Variants in OXR1 observed in about 807,000 individuals in gnomAD.
OXR1 encodes the protein oxidation resistance protein 1.
A neutral mutation model predicts 104.6 loss-of-function variants in OXR1; 41 were observed. The ratio of observed to expected loss-of-function variants is 0.39; its 90% CI spans 0.31 to 0.51. OXR1 has a LOEUF of 0.51. Among genes scored for constraint, OXR1 ranks in the 20% least tolerant of loss-of-function variants. The pLI is 0.77. For missense variants in OXR1, 955 were observed against 1,031.9 expected (o/e 0.93, Z 1.02); for synonymous variants, 348 against 348.4 (o/e 1.00, Z 0.01).
At chr8:106,371,591 GTC>G (rs1179053315) in intron 2 of OXR1, among the ~76,000 whole-genome samples, 1 of 152,136 alleles carries the variant, frequency 6.6e-6, no homozygotes, top group Non-Finnish European at 1.5e-5. Flanking sequence ...CTGCTACGTT[GTC>G]TCTTTGTTCT....
intron 2 of OXR1, among the ~76,000 whole-genome samples, chr8:106,371,365 T>G (rs1816700660): frequency 6.6e-6 from 1 of 152,128 alleles, no homozygotes; most frequent in African/African-American, 2.4e-5. Context: ...ATTCATTGAT[T>G]TTTTTGGAGG....
chr8:106,726,303 C>T, intron 11 of OXR1: 1 of 1,486,054 alleles, frequency 6.7e-7, no homozygotes, highest in Admixed American at 2.0e-5. Context: ...ATCATAAATA[C>T]ACTCTGGTAA....
intron 2 of OXR1, among the ~76,000 whole-genome samples, chr8:106,393,083 T>G (rs540859353): frequency 6.6e-6 from 1 of 152,312 alleles, no homozygotes; most frequent in South Asian, 2.1e-4. Flanking sequence ...CAGCTCCATA[T>G]GGTTTCTGTT....
Position 106,310,230 on chromosome 8 carries a change from CT to C in OXR1, c.-139+39877del, listed in dbSNP as rs10573304. Among the ~76,000 whole-genome samples the C allele has an allele frequency of 3.8e-3, 545 of 142,364 alleles. 3 individuals carry two copies. Among genetic ancestry groups the C allele is most frequent in the African/African-American group, 0.011 (428 of 39,538 alleles). 93.4% of individuals were successfully genotyped at this position (142,364 alleles called of 152,430 possible). A position where few individuals can be genotyped will look rare whatever the true frequency, so the allele number is the denominator to read the frequency against. ...TAATAATTGGTACAGTTCCTGTGACCTTTTTTTTTTTTTTGTGAACTCTTTC... is the reference window on the plus strand; with the variant it reads ...TAATAATTGGTACAGTTCCTGTGACCTTTTTTTTTTTTTGTGAACTCTTTC... On this transcript the variant is annotated intron_variant, in intron 1 of 16. Transcript: ENST00000517566.
intron 3 of OXR1, chr8:106,657,802 T>A: frequency 2.4e-6 from 3 of 1,229,092 alleles, no homozygotes; most frequent in Non-Finnish European, 3.0e-6. Context: ...GACGCGTGGT[T>A]TCCTGATGGT....
At chr8:106,746,585 T>C (rs1173617965) in intron 16 of OXR1, among the ~76,000 whole-genome samples, 2 of 152,218 alleles carry the variant, frequency 1.3e-5, no homozygotes, top group Non-Finnish European at 2.9e-5. Flanking sequence ...GTTGAGGATA[T>C]ATAATGATAA....
At chr8:106,611,865 G>A (rs1039710136) in intron 3 of OXR1, among the ~76,000 whole-genome samples, 8 of 151,912 alleles carry the variant, frequency 5.3e-5, no homozygotes, top group African/African-American at 9.7e-5. Flanking sequence ...ATCAGTTTTC[G>A]GCACAGTGGC....
At chr8:106,545,361 G>T (rs1815273535) in intron 3 of OXR1, among the ~76,000 whole-genome samples, 1 of 152,106 alleles carries the variant, frequency 6.6e-6, no homozygotes, top group African/African-American at 2.4e-5. Context: ...CAACATAAAT[G>T]TACAAAAATC....
intron 7 of OXR1, among the ~76,000 whole-genome samples, chr8:106,695,310 T>C (rs540544236): frequency 1.3e-5 from 2 of 152,158 alleles, no homozygotes; most frequent in African/African-American, 4.8e-5. Context: ...CTAAATTTCT[T>C]ACAGTGTAGG....
intron 3 of OXR1, among the ~76,000 whole-genome samples, chr8:106,535,283 C>G (rs1336061660): frequency 1.3e-5 from 2 of 152,124 alleles, no homozygotes; most frequent in Non-Finnish European, 2.9e-5. Context: ...CAAGGCGATG[C>G]AATGAAGGTA....
intron 3 of OXR1, among the ~76,000 whole-genome samples, chr8:106,643,603 A>G (rs1823840797): frequency 1.3e-5 from 2 of 152,176 alleles, no homozygotes; most frequent in Non-Finnish European, 2.9e-5. Flanking sequence ...TAGCTTTCAC[A>G]GCCAGAAAAC....
chr8:106,270,191 C>T lies in OXR1; in HGVS notation c.-315C>T, dbSNP rs1811731235. ...CGGAAACTGAGCATGTCTGCAAGCG[C>T]TCAGCGGCGCCGGCAGCAGCGGGGC... On this transcript the variant is annotated 5_prime_UTR_variant, in exon 1 of 17. Coordinates refer to ENST00000517566, the MANE Select transcript of OXR1 (RefSeq NM_001198533.2). The T allele has an allele frequency of 6.6e-6, 1 of 152,252 alleles. No homozygotes were observed. The highest frequency in any genetic ancestry group is 1.5e-5 in the Non-Finnish European group (1 of 68,094). The allele number at this position is 152,252 out of a possible 1,614,324, so 9.4% of individuals were successfully genotyped here. A position where few individuals can be genotyped will look rare whatever the true frequency, so the allele number is the denominator to read the frequency against.
At chr8:106,518,199 G>A (rs1812991684) in intron 2 of OXR1, among the ~76,000 whole-genome samples, 1 of 152,160 alleles carries the variant, frequency 6.6e-6, no homozygotes, top group Non-Finnish European at 1.5e-5. Flanking sequence ...GGGAATGAAA[G>A]ACTTGAAAAA....
intron 2 of OXR1, among the ~76,000 whole-genome samples, chr8:106,408,701 G>A (rs1290572197): frequency 6.6e-6 from 1 of 152,150 alleles, no homozygotes; most frequent in Non-Finnish European, 1.5e-5. Flanking sequence ...ATGCACGTGG[G>A]TGTAATCGTG....
intron 3 of OXR1, chr8:106,658,099 AT>A: frequency 3.2e-6 from 4 of 1,247,954 alleles, no homozygotes; most frequent in Non-Finnish European, 3.0e-6. Flanking sequence ...CGCTTCGAAG[AT>A]TACCTGAGGG....
At chr8:106,284,803 T>TG (rs1812425070) in intron 1 of OXR1, among the ~76,000 whole-genome samples, 1 of 138,158 alleles carries the variant, frequency 7.2e-6, no homozygotes, top group African/African-American at 3.1e-5. Flanking sequence ...TTAACCTCAA[T>TG]CTTTTTTTAA....
intron 3 of OXR1, among the ~76,000 whole-genome samples, chr8:106,527,330 T>C (rs1394905438): frequency 6.6e-6 from 1 of 152,162 alleles, no homozygotes; most frequent in African/African-American, 2.4e-5. Flanking sequence ...AACAAGCCTC[T>C]TGTCTTGACC....
intron 2 of OXR1, among the ~76,000 whole-genome samples, chr8:106,432,056 T>TACTACAAATA (rs1488461803): frequency 6.6e-6 from 1 of 152,224 alleles, no homozygotes; most frequent in Non-Finnish European, 1.5e-5. Flanking sequence ...TATAATTTTA[T>TACTACAAATA]CTACAAATAA....
chr8:106,553,773 A>G (rs1308493711), intron 3 of OXR1, among the ~76,000 whole-genome samples: 2 of 152,114 alleles, frequency 1.3e-5, no homozygotes, highest in Admixed American at 6.6e-5. Flanking sequence ...TTTTCTTAAG[A>G]TTCGGCTCAA....
Sources: allele counts gnomAD v4.1 joint callset (sites outside exome capture counted in the v4.1 genomes callset), GRCh38; gene constraint gnomAD v4.1.1; transcripts MANE v1.5; gene names NCBI Gene and HGNC (gene_info 2026-07-23, HGNC 2026-07-21).